FAM184B: variants seen among roughly 807,000 people sequenced by gnomAD.
FAM184B encodes the protein protein FAM184B.
In FAM184B, 111 loss-of-function variants were observed where a neutral mutation model predicts 135.9. The observed-to-expected ratio is 0.82, with a 90% CI of 0.70 to 0.96. The LOEUF (loss-of-function observed/expected upper bound fraction) is 0.96, where lower values mean the gene tolerates loss of function less well. Ranked by LOEUF, FAM184B falls within the 40% of genes least tolerant of loss-of-function variation. FAM184B has a pLI of 0.00. For missense variants in FAM184B, 1,375 were observed against 1,323.9 expected (o/e 1.04, Z -0.60); for synonymous variants, 552 against 524.8 (o/e 1.05, Z -0.71).
chr4:17,701,242 G>A (rs1716979929), intron 5 of FAM184B, among the ~76,000 whole-genome samples: 3 of 152,142 alleles, frequency 2.0e-5, no homozygotes, highest in African/African-American at 7.2e-5. Context: ...GATGAATAAC[G>A]GCAGAGCGAG....
intron 1 of FAM184B, among the ~76,000 whole-genome samples, chr4:17,776,081 T>G (rs1184959577): frequency 6.6e-6 from 1 of 152,208 alleles, no homozygotes; most frequent in African/African-American, 2.4e-5. Flanking sequence ...GTGATTTTAA[T>G]GGGCACCTTG....
intron 10 of FAM184B, among the ~76,000 whole-genome samples, chr4:17,654,129 G>A (rs949596896): frequency 7.3e-5 from 11 of 151,070 alleles, no homozygotes; most frequent in Non-Finnish European, 1.5e-4. Context: ...AATCTGTGTT[G>A]TTTTAAGCCA....
At chr4:17,693,905 G>T (rs1330070066) in intron 5 of FAM184B, among the ~76,000 whole-genome samples, 1 of 150,904 alleles carries the variant, frequency 6.6e-6, no homozygotes, top group African/African-American at 2.4e-5. Context: ...TGAGTCCGGG[G>T]GTTCGAGACC....
chr4:17,662,411 C>G (rs374604151), intron 8 of FAM184B, among the ~76,000 whole-genome samples: 2 of 151,856 alleles, frequency 1.3e-5, no homozygotes, highest in African/African-American at 4.8e-5. Context: ...AATCTCGGCT[C>G]GCTGCAACCT....
intron 1 of FAM184B, among the ~76,000 whole-genome samples, chr4:17,765,069 GAAAA>G (rs1335906038): frequency 3.3e-5 from 5 of 152,034 alleles, no homozygotes; most frequent in Middle Eastern, 3.4e-3. Flanking sequence ...CTCAAAAAAA[GAAAA>G]AAAGAAAGTA....
intron 1 of FAM184B, among the ~76,000 whole-genome samples, chr4:17,751,542 T>C (rs1056870353): frequency 1.3e-5 from 2 of 151,946 alleles, no homozygotes; most frequent in African/African-American, 4.8e-5. Flanking sequence ...GTAACACATT[T>C]CCAAACTTTC....
intron 6 of FAM184B, among the ~76,000 whole-genome samples, chr4:17,688,755 A>T (rs1716653680): frequency 7.2e-6 from 1 of 138,982 alleles, no homozygotes. Flanking sequence ...GCAGTGGCAC[A>T]ATCTTGGCTT....
At chr4:17,745,862 G>A (rs1718147825) in intron 1 of FAM184B, among the ~76,000 whole-genome samples, 1 of 152,162 alleles carries the variant, frequency 6.6e-6, no homozygotes, top group African/African-American at 2.4e-5. Context: ...ATCCCTGTTT[G>A]ATGAAAGAAG....
At chr4:17,735,965 C>T (rs557403616) in intron 1 of FAM184B, among the ~76,000 whole-genome samples, 2 of 152,258 alleles carry the variant, frequency 1.3e-5, no homozygotes, top group South Asian at 2.1e-4. Context: ...CTCAGCAAAC[C>T]AGTTTTACAA....
chr4:17,749,310 A>G (rs1480379511), intron 1 of FAM184B, among the ~76,000 whole-genome samples: 1 of 152,012 alleles, frequency 6.6e-6, no homozygotes, highest in African/African-American at 2.4e-5. Context: ...AGACGGGCAC[A>G]GTGGCTCACA....
At chr4:17,766,796 C>T (rs899572927) in intron 1 of FAM184B, among the ~76,000 whole-genome samples, 10 of 152,236 alleles carry the variant, frequency 6.6e-5, no homozygotes, top group South Asian at 2.1e-4. Context: ...GCCAGTCCCG[C>T]GCAGAGCACC....
chr4:17,732,361 C>CA (rs758080181), intron 1 of FAM184B, among the ~76,000 whole-genome samples: 2 of 152,200 alleles, frequency 1.3e-5, no homozygotes, highest in Middle Eastern at 6.8e-3. Context: ...GAAATAGAGA[C>CA]ACAAAAAACC....
Position 17,709,500 on chromosome 4 carries a change from CT to C in FAM184B, c.285del (p.Ala96ProfsTer19). ...LLQEQGCAEE[E>X]ALLQRIQALE... ...AGGGCCTGGATGCGCTGTAGAAGGGCTTCCTCCTCTGCGCAGCCCTGTTCCT... is the reference window on the plus strand; with the variant it reads ...AGGGCCTGGATGCGCTGTAGAAGGGCTCCTCCTCTGCGCAGCCCTGTTCCT... On this transcript the variant is annotated frameshift_variant, in exon 2 of 18. Transcript: ENST00000265018. LOFTEE classifies it high-confidence loss of function. 1.9e-6 allele frequency: 3 copies of C among 1,550,530 alleles called. No homozygotes were observed. Among genetic ancestry groups the C allele is most frequent in the Non-Finnish European group, 2.6e-6 (3 of 1,146,568 alleles).
intron 1 of FAM184B, among the ~76,000 whole-genome samples, chr4:17,717,457 T>C (rs1049102966): frequency 2.6e-5 from 4 of 152,146 alleles, no homozygotes; most frequent in Admixed American, 6.5e-5. Context: ...TTGCTTGCTT[T>C]CACTCACCAC....
chr4:17,721,666 T>A (rs577097609), intron 1 of FAM184B, among the ~76,000 whole-genome samples: 2 of 151,868 alleles, frequency 1.3e-5, no homozygotes, highest in Non-Finnish European at 1.5e-5. Context: ...TGGGCAGGGG[T>A]CAGACCCTCA....
At chr4:17,701,982 T>C (rs149259391) in intron 5 of FAM184B, among the ~76,000 whole-genome samples, 22 of 152,310 alleles carry the variant, frequency 1.4e-4, no homozygotes, top group East Asian at 1.2e-3. Flanking sequence ...TAACCACACA[T>C]GTCTAGTGGC....
intron 1 of FAM184B, among the ~76,000 whole-genome samples, chr4:17,724,626 C>T (rs769962314): frequency 5.3e-5 from 8 of 152,136 alleles, no homozygotes; most frequent in Non-Finnish European, 7.3e-5. Context: ...GATGATGTAA[C>T]GAGGTGCTAC....
intron 7 of FAM184B, among the ~76,000 whole-genome samples, chr4:17,673,223 C>T (rs1022748934): frequency 4.6e-5 from 7 of 151,922 alleles, no homozygotes; most frequent in Non-Finnish European, 7.4e-5. Context: ...AAAACCACAA[C>T]GTGATACCAC....
At chr4:17,678,346 T>A (rs1716361670) in intron 7 of FAM184B, among the ~76,000 whole-genome samples, 1 of 152,058 alleles carries the variant, frequency 6.6e-6, no homozygotes. Context: ...AATTAATGTA[T>A]ACAAATCAGT....
Sources: gnomAD v4.1 joint callset for allele counts (sites outside exome capture counted in the v4.1 genomes callset) on GRCh38, gnomAD v4.1.1 for gene constraint, MANE v1.5 for transcripts, NCBI Gene and HGNC (gene_info 2026-07-23, HGNC 2026-07-21) for gene names.